ERAP1: variants seen among roughly 807,000 people sequenced by gnomAD.
ERAP1 encodes the protein adipocyte-derived leucine aminopeptidase.
Under a neutral mutation model 103.7 loss-of-function variants are expected in ERAP1, and 86 were observed. The ratio of observed to expected loss-of-function variants is 0.83; its 90% CI spans 0.70 to 0.99. The LOEUF is 0.99. Among genes scored for constraint, ERAP1 ranks in the 50% least tolerant of loss-of-function variants. The probability of loss-of-function intolerance (pLI) is 0.00; values close to 1 mark genes in which losing one functional copy is unlikely to be tolerated. For missense variants in ERAP1, 1,009 were observed against 1,128.4 expected (o/e 0.89, Z 1.52); for synonymous variants, 398 against 402.4 (o/e 0.99, Z 0.13).
At chr5:96,803,192 T>G (rs1406304678) in intron 2 of ERAP1, among the ~76,000 whole-genome samples, 1 of 152,078 alleles carries the variant, frequency 6.6e-6, no homozygotes, top group Non-Finnish European at 1.5e-5. Flanking sequence ...CTGATAGAGC[T>G]GGGGGAAAGA....
At chr5:96,824,744 T>C in the ERAP1 span, among the ~76,000 whole-genome samples, 1 of 152,200 alleles carries the variant, frequency 6.6e-6, no homozygotes, top group Non-Finnish European at 1.5e-5. Flanking sequence ...TAATTATTTT[T>C]ATTCCATTAA....
Position 96,775,402 on chromosome 5 carries a change from AT to A in ERAP1, c.*993del. The A allele has an allele frequency of 1.0e-6, 1 of 984,576 alleles. No individual in the cohort carries two copies. The highest frequency in any genetic ancestry group is 1.1e-4 in the East Asian group (1 of 8,958). 61.0% of individuals were successfully genotyped at this position (984,576 alleles called of 1,614,324 possible). A position where few individuals can be genotyped will look rare whatever the true frequency, so the allele number is the denominator to read the frequency against. ...AATGCCAATAACTAGTTAGTTAGAA[AT>A]TGTAAAGTAGGCCAAATAAGAAGCA... On this transcript the variant is annotated 3_prime_UTR_variant, in exon 19 of 19. Coordinates refer to ENST00000443439, the MANE Select transcript of ERAP1 (RefSeq NM_001040458.3).
chr5:96,795,409 GAGAA>G (rs1777240655), intron 4 of ERAP1, among the ~76,000 whole-genome samples: 3 of 152,170 alleles, frequency 2.0e-5, no homozygotes, highest in South Asian at 4.2e-4. Flanking sequence ...GATGGCAAAT[GAGAA>G]AGAAAGATTT....
chr5:96,854,464 A>C, the ERAP1 span, among the ~76,000 whole-genome samples: 1 of 152,028 alleles, frequency 6.6e-6, no homozygotes, highest in Non-Finnish European at 1.5e-5. Context: ...CAAAAAAAAA[A>C]CCTCTGAGCA....
chr5:96,883,504 G>A, the ERAP1 span, among the ~76,000 whole-genome samples: 2 of 152,190 alleles, frequency 1.3e-5, no homozygotes, highest in Admixed American at 1.3e-4. Flanking sequence ...TGCGGATCCT[G>A]CTAAGGTCAT....
the ERAP1 span, chr5:96,902,573 G>T: frequency 2.4e-6 from 1 of 421,432 alleles, no homozygotes; most frequent in Non-Finnish European, 4.2e-6. Flanking sequence ...TTTAGAGACA[G>T]ATTATTTACA....
chr5:96,840,809 G>A, the ERAP1 span, among the ~76,000 whole-genome samples: 5 of 151,686 alleles, frequency 3.3e-5, no homozygotes, highest in South Asian at 2.1e-4. Flanking sequence ...GGGTTCAAGC[G>A]ATTCTCCTGC....
the ERAP1 span, among the ~76,000 whole-genome samples, chr5:96,877,185 G>A: frequency 1.3e-5 from 2 of 152,264 alleles, no homozygotes; most frequent in East Asian, 3.9e-4. Context: ...ATGTTGGTGA[G>A]GCTGGTCTCG....
At chr5:96,816,430 C>T in the ERAP1 span, among the ~76,000 whole-genome samples, 34 of 152,266 alleles carry the variant, frequency 2.2e-4, no homozygotes, top group East Asian at 3.9e-4. Context: ...GCACCTACCC[C>T]GCCTCTGCAG....
At chr5:96,862,622 T>C in the ERAP1 span, among the ~76,000 whole-genome samples, 1 of 152,202 alleles carries the variant, frequency 6.6e-6, no homozygotes, top group Non-Finnish European at 1.5e-5. Context: ...TCCATCATTG[T>C]CTGGTGAATG....
At chr5:96,895,247 G>A in the ERAP1 span, 1 of 1,598,648 alleles carries the variant, frequency 6.3e-7, no homozygotes. Flanking sequence ...ACCTCCTAGT[G>A]GTTTGGCAAC....
upstream of ERAP1, among the ~76,000 whole-genome samples, chr5:96,809,018 A>G (rs1778986378): frequency 6.6e-6 from 1 of 152,218 alleles, no homozygotes; most frequent in South Asian, 2.1e-4. Flanking sequence ...TTTCTTGATT[A>G]TATGCTAAGC....
chr5:96,779,580 C>A (rs1218099034), intron 18 of ERAP1: 2 of 151,616 alleles, frequency 1.3e-5, no homozygotes, highest in Middle Eastern at 3.2e-3. Context: ...CACAATGGAA[C>A]CACTCCTAAA....
At chr5:96,901,356 G>C in the ERAP1 span, 1 of 800,960 alleles carries the variant, frequency 1.2e-6, no homozygotes, top group Non-Finnish European at 2.0e-6. Flanking sequence ...CCCTAATCCA[G>C]TTGCCTGGAT....
At chr5:96,810,262 T>C (rs907461108), upstream of ERAP1, among the ~76,000 whole-genome samples, 1 of 152,162 alleles carries the variant, frequency 6.6e-6, no homozygotes, top group Non-Finnish European at 1.5e-5. Flanking sequence ...GTAAGGACTT[T>C]AAGGAGTCCT....
the ERAP1 span, chr5:96,814,183 G>A: frequency 2.0e-5 from 9 of 453,544 alleles, no homozygotes; most frequent in East Asian, 7.0e-5. Flanking sequence ...CCAGCATTCC[G>A]TTCCTCATTG....
chr5:96,787,865 C>CATAT (rs537007290), intron 11 of ERAP1, among the ~76,000 whole-genome samples: 1 of 147,024 alleles, frequency 6.8e-6, no homozygotes, highest in African/African-American at 2.5e-5. Context: ...CAAACATATA[C>CATAT]ATATATATAT....
the ERAP1 span, chr5:96,895,134 A>T: frequency 1.6e-6 from 1 of 627,564 alleles, no homozygotes; most frequent in Non-Finnish European, 2.7e-6. Context: ...TAGCAAAGAG[A>T]GAAGAGAGAT....
the ERAP1 span, among the ~76,000 whole-genome samples, chr5:96,829,297 A>C: frequency 0.052 from 7,939 of 152,330 alleles, 252 homozygotes; most frequent in South Asian, 0.11. Flanking sequence ...ATGGATTTTC[A>C]AAATTTAATA....
Sources: gnomAD v4.1 joint callset for allele counts (sites outside exome capture counted in the v4.1 genomes callset) on GRCh38, gnomAD v4.1.1 for gene constraint, MANE v1.5 for transcripts, NCBI Gene and HGNC (gene_info 2026-07-23, HGNC 2026-07-21) for gene names.